SIDT2: variants seen among roughly 807,000 people sequenced by gnomAD.
The protein encoded by SIDT2 is SID1 transmembrane family, member 2.
In SIDT2, 68 loss-of-function variants were observed where a neutral mutation model predicts 114.4. The ratio of observed to expected loss-of-function variants is 0.59; its 90% CI spans 0.49 to 0.73. The LOEUF is 0.73. SIDT2 is among the 30% of genes least tolerant of loss of function. The pLI, the probability that SIDT2 is intolerant of heterozygous loss-of-function variation, is 0.00. For missense variants in SIDT2, 918 were observed against 1,097.1 expected (o/e 0.84, Z 2.31); for synonymous variants, 470 against 438.4 (o/e 1.07, Z -0.90).
chr11:117,180,155 T>C (rs2030220630), intron 1 of SIDT2, among the ~76,000 whole-genome samples: 3 of 152,192 alleles, frequency 2.0e-5, no homozygotes, highest in Admixed American at 6.5e-5. Context: ...CCTGGCTGTG[T>C]GGTCTCGTGC....
rs199739288 is a variant in SIDT2 at position 117,193,135 on chromosome 11, C to T, written c.2106-18C>T. The T allele has an allele frequency of 1.2e-6, 2 of 1,613,348 alleles. No individual in the cohort carries two copies. Among genetic ancestry groups the T allele is most frequent in the Non-Finnish European group, 1.7e-6 (2 of 1,179,270 alleles). On this transcript the variant is annotated intron_variant, in intron 22 of 25. Transcript: ENST00000324225. ...CCCTTGGGCTTCCTGCTTCACCACC[C>T]TTCATCCCTCTTGCCAGGGCTGCCT...
chr11:117,189,192 G>A lies in SIDT2; in HGVS notation c.1302G>A (p.Leu434=). The A allele has an allele frequency of 6.2e-7, 1 of 1,614,236 alleles. No homozygotes were observed. Residue 434 remains leucine (L), a synonymous_variant, in exon 14 of 26, where the codon CTG becomes CTA. Coordinates refer to ENST00000324225, the MANE Select transcript of SIDT2 (RefSeq NM_001040455.2). ...AGCAATACCTCTATGTGGCTGACCT[G>A]GCACGGAAGGACAAGCGTGTTCTGC... ...RTKQYLYVAD[L]ARKDKRVLRK...
At chr11:117,194,165 ATT>A in intron 24 of SIDT2, 1 of 494,330 alleles carries the variant, frequency 2.0e-6, no homozygotes, top group Non-Finnish European at 3.6e-6. Context: ...AAATAAAAAA[ATT>A]AGCCTGGCGT....
chr11:117,192,125 T>G lies in SIDT2; in HGVS notation c.1872+111T>G. 3 of 1,557,348 alleles carry G rather than the reference T, an allele frequency of 1.9e-6. No homozygotes were observed. The highest frequency in any genetic ancestry group is 2.6e-6 in the Non-Finnish European group (3 of 1,140,580). ...TCCTGCATGAGAGATTCCTGCTCCT[T>G]CCCTGAGATGCCTTCCTGGGCCCCT... On this transcript the variant is annotated intron_variant, in intron 19 of 25. Coordinates refer to ENST00000324225, the MANE Select transcript of SIDT2 (RefSeq NM_001040455.2). This position sits in a 1 kb window ranked among gnomAD's most constrained non-coding sequence, Gnocchi z 5.9.
In SIDT2 at chr11:117,189,338, C is replaced by A. The variant is rs1422964316; in HGVS notation, c.1356C>A (p.Asn452Lys). 6.2e-7 allele frequency: 1 copy of A among 1,614,232 alleles called. No homozygotes were observed. Among genetic ancestry groups the A allele is most frequent in the South Asian group, 1.1e-5 (1 of 91,084 alleles). Residue 452 changes from asparagine to lysine, a missense_variant, in exon 15 of 26, where the codon AAC becomes AAA. Asn to Lys is a moderately conservative substitution (Grantham distance 94). Around this residue, in one of 4 missense-constraint regions of SIDT2, gnomAD observed 553 missense variants for 600.1 expected, o/e 0.92. Transcript: ENST00000324225. ...CTGCCGCCCTCCTGCTCCGCAGGAA[C>A]ATTGCCACCATTGCTGTCTTCTATG... ...LRKKYQIYFW[N>K]IATIAVFYAL... is the part of the protein sequence containing the mutation.
chr11:117,193,115 G>C (rs2030762858), intron 22 of SIDT2, 38 bp from the exon 23 acceptor site: 2 of 1,602,294 alleles, frequency 1.2e-6, no homozygotes, highest in South Asian at 1.1e-5. Flanking sequence ...CCTTGCCCTT[G>C]GGCTTCCTGC....
chr11:117,187,934 G>T, intron 12 of SIDT2: 1 of 681,078 alleles, frequency 1.5e-6, no homozygotes, highest in Non-Finnish European at 2.7e-6. Flanking sequence ...GGCCAGATGC[G>T]GCAGCTGTGC....
chr11:117,179,454 C>A lies in SIDT2; in HGVS notation c.183+8C>A, dbSNP rs2134245599. On this transcript the variant is annotated splice_region_variant and intron_variant, in intron 1 of 25. Coordinates refer to ENST00000324225, the MANE Select transcript of SIDT2 (RefSeq NM_001040455.2). ...ACTGTGACCCGCAACAGGGTGAGGG[C>A]TGGGGGCTTAGGGGCCAGAGGCGAG... is the stretch of plus-strand genomic sequence containing the variant. 6.2e-7 allele frequency: 1 copy of A among 1,610,246 alleles called. No individual in the cohort carries two copies. The highest frequency in any genetic ancestry group is 2.2e-5 in the East Asian group (1 of 44,824).
chr11:117,190,162 C>T lies in SIDT2; in HGVS notation c.1494-4C>T. 1.3e-6 allele frequency: 2 copies of T among 1,585,410 alleles called. No individual in the cohort carries two copies. Among genetic ancestry groups the T allele is most frequent in the South Asian group, 1.2e-5 (1 of 86,732 alleles). ...AGCAGTCTGCCTTGTGTTGCCCCTT[C>T]TAGCGCCTTCAACAACATCCTCAGC... On this transcript the variant is annotated splice_region_variant and splice_polypyrimidine_tract_variant and intron_variant, in intron 16 of 25. Transcript: ENST00000324225. This position sits in a 1 kb window ranked among gnomAD's most constrained non-coding sequence, Gnocchi z 4.1.
chr11:117,188,643 A>G lies in SIDT2; in HGVS notation c.1160-65A>G, dbSNP rs2030587191. On this transcript the variant is annotated intron_variant, in intron 12 of 25. Coordinates refer to ENST00000324225, the MANE Select transcript of SIDT2 (RefSeq NM_001040455.2). This position sits in a 1 kb window ranked among gnomAD's most constrained non-coding sequence, Gnocchi z 4.0. ...CTAATAATTGTTACAATTGCCTCAGATGGGCGAGGGCCACTGTGGGTTTTG... is the reference window on the plus strand; with the variant it reads ...CTAATAATTGTTACAATTGCCTCAGGTGGGCGAGGGCCACTGTGGGTTTTG... 1.6e-6 allele frequency: 2 copies of G among 1,267,092 alleles called. No homozygotes were observed. Among genetic ancestry groups the G allele is most frequent in the Admixed American group, 3.4e-5 (2 of 59,076 alleles). The allele number at this position is 1,267,092 out of a possible 1,614,324, so 78.5% of individuals were successfully genotyped here. A position where few individuals can be genotyped will look rare whatever the true frequency, so the allele number is the denominator to read the frequency against.
Position 117,190,215 on chromosome 11 carries a change from C to T in SIDT2, c.1543C>T (p.Leu515Phe), listed in dbSNP as rs990202467. 1.3e-6 allele frequency: 2 copies of T among 1,581,420 alleles called. No homozygotes were observed. Among genetic ancestry groups the T allele is most frequent in the African/African-American group, 2.7e-5 (2 of 74,078 alleles). ...CCTGGGGTACATCCTGCTGGGGCTG[C>T]TTTTCCTGCTCATCATCCTGCAACG... ...SNLGYILLGL[L>F]FLLIILQREI... Residue 515 changes from leucine (L) to phenylalanine (F), a missense_variant, in exon 17 of 26, where the codon CTT becomes TTT. Around this residue, in one of 4 missense-constraint regions of SIDT2, gnomAD observed 72 missense variants for 59.9 expected, o/e 1.20. Coordinates refer to ENST00000324225, the MANE Select transcript of SIDT2 (RefSeq NM_001040455.2). This position sits in a 1 kb window ranked among gnomAD's most constrained non-coding sequence, Gnocchi z 4.1.
Position 117,182,778 on chromosome 11 carries a change from T to C in SIDT2, c.674T>C (p.Met225Thr). Residue 225 changes from methionine to threonine, a missense_variant, in exon 6 of 26, where the codon ATG (methionine) becomes ACG (threonine). Around this residue, in one of 4 missense-constraint regions of SIDT2, gnomAD observed 553 missense variants for 600.1 expected, o/e 0.92. Transcript: ENST00000324225. Reference sequence around the variant, plus strand: ...GCCTTCATCGGCATGTACCAGACGATGACCAAGAAGGCGGCCATCACCGTA... The same window carrying C: ...GCCTTCATCGGCATGTACCAGACGACGACCAAGAAGGCGGCCATCACCGTA... ...NVAFIGMYQTMTKKAAITVQR... is the reference protein window; with the variant it reads ...NVAFIGMYQTTTKKAAITVQR... The C allele has an allele frequency of 6.2e-7, 1 of 1,614,156 alleles. No homozygotes were observed. Among genetic ancestry groups the C allele is most frequent in the Non-Finnish European group, 8.5e-7 (1 of 1,180,012 alleles).
Position 117,195,874 on chromosome 11 carries a change from T to C in SIDT2, c.2395T>C (p.Trp799Arg), listed in dbSNP as rs766784476. The C allele has an allele frequency of 1.9e-6, 3 of 1,614,218 alleles. No individual in the cohort carries two copies. The highest frequency in any genetic ancestry group is 1.3e-5 in the African/African-American group (1 of 75,048). ...LLDFFDDHDI[W>R]HFLSSIAMFG... Reference sequence around the variant, plus strand: ...CGACTTCTTTGACGACCACGACATCTGGCACTTCCTCTCCTCCATCGCCAT... The same window carrying C: ...CGACTTCTTTGACGACCACGACATCCGGCACTTCCTCTCCTCCATCGCCAT... The change falls in exon 25 of 26, where the codon TGG becomes CGG. Residue 799 changes from tryptophan (W) to arginine (R), a missense_variant. By Grantham distance (101) the Trp-to-Arg change is moderately radical. This residue lies in a region of SIDT2 where 275 missense variants were observed against 397.6 expected (regional missense o/e 0.69). Coordinates refer to ENST00000324225, the MANE Select transcript of SIDT2 (RefSeq NM_001040455.2).
rs2030591715 is a variant in SIDT2, at chr11:117,188,743, G to T, written c.1195G>T (p.Val399Leu). The change falls in exon 13 of 26, where the codon GTG (valine) becomes TTG (leucine). Residue 399 changes from valine to leucine, a missense_variant. Val to Leu is a conservative substitution (Grantham distance 32). Transcript: ENST00000324225. The surrounding 1 kb of genome is among the most constrained non-coding windows in gnomAD (Gnocchi z 4.0). ...SFEPVGTRPRVDSMSSVEEDD... is the reference protein window; with the variant it reads ...SFEPVGTRPRLDSMSSVEEDD... Reference sequence around the variant, plus strand: ...TGAACCTGTAGGTACTCGGCCCCGAGTGGACTCCATGAGCTCTGTGGAGGA... The same window carrying T: ...TGAACCTGTAGGTACTCGGCCCCGATTGGACTCCATGAGCTCTGTGGAGGA... The T allele has an allele frequency of 6.2e-7, 1 of 1,614,066 alleles. No individual in the cohort carries two copies. The highest frequency in any genetic ancestry group is 1.3e-5 in the African/African-American group (1 of 74,932).
chr11:117,190,039 T>C lies in SIDT2; in HGVS notation c.1493+14T>C, dbSNP rs778990687. 1.2e-6 allele frequency: 2 copies of C among 1,614,104 alleles called. No homozygotes were observed. The highest frequency in any genetic ancestry group is 1.7e-5 in the Admixed American group (1 of 60,022). On this transcript the variant is annotated intron_variant, in intron 16 of 25. Coordinates refer to ENST00000324225, the MANE Select transcript of SIDT2 (RefSeq NM_001040455.2). This position sits in a 1 kb window ranked among gnomAD's most constrained non-coding sequence, Gnocchi z 4.1. ...GGGCAATCTCAGGTGGGGGTCATGCTGGGAGGCCCCTTGTCCAGGCCAAGG... is the reference window on the plus strand; with the variant it reads ...GGGCAATCTCAGGTGGGGGTCATGCCGGGAGGCCCCTTGTCCAGGCCAAGG...
At chr11:117,187,528 T>C in intron 11 of SIDT2, 79 bp downstream of exon 11, 1 of 1,595,452 alleles carries the variant, frequency 6.3e-7, no homozygotes, top group African/African-American at 1.3e-5. Flanking sequence ...GGCGGTAAAG[T>C]GGGAGCCACC....
rs757263614 is a variant in SIDT2, at chr11:117,192,647, C to T, written c.2055C>T (p.Tyr685=). The T allele has an allele frequency of 1.8e-5, 29 of 1,612,674 alleles. No homozygotes were observed. Among genetic ancestry groups the T allele is most frequent in the East Asian group, 2.2e-5 (1 of 44,890 alleles). ...TCCGGCAGTGCAGCGGGCCGCTCTACGTGGTACCTGCCTGGTTCCCCTGCT... is the reference window on the plus strand; with the variant it reads ...TCCGGCAGTGCAGCGGGCCGCTCTATGTGGTACCTGCCTGGTTCCCCTGCT... ...DCIRQCSGPL[Y]VDRMVLLVMG... is the part of the protein sequence containing the mutation. Residue 685 remains tyrosine (Y), a synonymous_variant, in exon 21 of 26, where the codon TAC becomes TAT. Transcript: ENST00000324225. The surrounding 1 kb of genome is among the most constrained non-coding windows in gnomAD (Gnocchi z 5.9).
chr11:117,182,854 T>C, intron 6 of SIDT2, 48 bp downstream of exon 6: 2 of 1,573,556 alleles, frequency 1.3e-6, no homozygotes, highest in Non-Finnish European at 1.7e-6. Flanking sequence ...GGCGATAAGC[T>C]GTGTAGCTTT....
At position 117,186,618 on chromosome 11, in the gene SIDT2, C is replaced by T. The variant is rs757921535; in HGVS notation, c.997C>T (p.Arg333Ter). The change falls in exon 10 of 26, where the codon CGA (arginine) becomes TGA (stop). Residue 333 changes from arginine to a stop codon, truncating the protein, a stop_gained. Transcript: ENST00000324225. LOFTEE classifies it high-confidence loss of function. ...GAAGACCCTGCTGGTGGCCATTGAC[C>T]GAGCCTGCCCAGAAAGCGGTACCTC... ...KKKTLLVAID[R>*]ACPESGHPRV... 10 of 1,569,094 alleles carry T rather than the reference C, an allele frequency of 6.4e-6. No individual in the cohort carries two copies. The highest frequency in any genetic ancestry group is 2.2e-5 in the East Asian group (1 of 44,664).
Sources: allele counts gnomAD v4.1 joint callset (sites outside exome capture counted in the v4.1 genomes callset), GRCh38; gene constraint gnomAD v4.1.1; regional missense constraint gnomAD v4.1.1; non-coding constraint Gnocchi (gnomAD v3.1); transcripts MANE v1.5; gene names NCBI Gene and HGNC (gene_info 2026-07-23, HGNC 2026-07-21).